The following AGMO variants were observed in gnomAD, a reference collection of about 807,000 sequenced individuals.
AGMO encodes the protein glyceryl-ether monooxygenase.
In AGMO, 75 loss-of-function variants were observed where a neutral mutation model predicts 60.2. The observed-to-expected ratio is 1.25, with a 90% CI of 1.03 to 1.51. The LOEUF (loss-of-function observed/expected upper bound fraction) is 1.51. Ranked by LOEUF, AGMO falls within the 40% of genes most tolerant of loss-of-function variation. The pLI is 0.00. For synonymous variants in AGMO, 261 were observed against 177.1 expected (o/e 1.47, Z -3.76); for missense variants, 763 against 525.5 (o/e 1.45, Z -4.42).
At chr7:15,523,149 T>A (rs1304988795) in intron 3 of AGMO, among the ~76,000 whole-genome samples, 1 of 152,172 alleles carries the variant, frequency 6.6e-6, no homozygotes, top group Non-Finnish European at 1.5e-5. Flanking sequence ...TGAGATACCA[T>A]CTCACACCAG....
chr7:15,229,689 T>C (rs1040037187), intron 12 of AGMO, among the ~76,000 whole-genome samples: 58 of 144,572 alleles, frequency 4.0e-4, no homozygotes, highest in Non-Finnish European at 6.9e-4. Context: ...TACACATATA[T>C]ATAACTAATT....
intron 12 of AGMO, among the ~76,000 whole-genome samples, chr7:15,259,899 CAAAAAAAA>C (rs71549927): frequency 2.1e-4 from 2 of 9,398 alleles, no homozygotes; most frequent in African/African-American, 5.0e-4. Flanking sequence ...ACAAGAACTG[CAAAAAAAA>C]AAAAAAAAAA....
At chr7:15,410,394 C>CA (rs1216757058) in intron 5 of AGMO, among the ~76,000 whole-genome samples, 5 of 151,522 alleles carry the variant, frequency 3.3e-5, no homozygotes, top group East Asian at 3.9e-4. Flanking sequence ...AAATAAATAA[C>CA]AAAAAAACCC....
rs140746744 is a variant in AGMO at position 15,506,445 on chromosome 7, C to T, written c.409+38327G>A. On this transcript the variant is annotated intron_variant, in intron 3 of 12. Transcript: ENST00000342526. Reference sequence around the variant, plus strand: ...GCCCTCTATGTGTTTATGATACTAACATTCGTTTGTCTTTATTCCATACAT... The same window carrying T: ...GCCCTCTATGTGTTTATGATACTAATATTCGTTTGTCTTTATTCCATACAT... Among the ~76,000 whole-genome samples, 71 of 152,072 alleles carry T rather than the reference C, an allele frequency of 4.7e-4. No individual in the cohort carries two copies. In the East Asian group the frequency reaches 0.013, roughly 28 times the overall value.
chr7:15,148,957 C>T, the AGMO span, among the ~76,000 whole-genome samples: 3 of 152,094 alleles, frequency 2.0e-5, no homozygotes, highest in African/African-American at 7.2e-5. Context: ...TCCCTTTTCT[C>T]CACAATCTCA....
At chr7:15,135,294 C>A in the AGMO span, among the ~76,000 whole-genome samples, 1 of 151,866 alleles carries the variant, frequency 6.6e-6, no homozygotes, top group Non-Finnish European at 1.5e-5. Context: ...GAAAATGGAA[C>A]CCGGGAAGCT....
At chr7:15,381,623 C>G (rs1250639641) in intron 10 of AGMO, among the ~76,000 whole-genome samples, 5 of 151,990 alleles carry the variant, frequency 3.3e-5, no homozygotes. Context: ...TGGAATTCCT[C>G]AAAGACAAAG....
At chr7:15,368,276 A>C (rs1184064613) in intron 10 of AGMO, among the ~76,000 whole-genome samples, 1 of 130,076 alleles carries the variant, frequency 7.7e-6, no homozygotes, top group Non-Finnish European at 1.6e-5. Flanking sequence ...AGGAAGAATG[A>C]GACCAAAAAA....
intron 12 of AGMO, among the ~76,000 whole-genome samples, chr7:15,285,808 C>A (rs1273785721): frequency 3.9e-5 from 6 of 151,908 alleles, no homozygotes; most frequent in African/African-American, 1.4e-4. Context: ...TCACATTACC[C>A]GACTTCAAAT....
At chr7:15,324,882 CCTG>C (rs1415179185) in intron 12 of AGMO, among the ~76,000 whole-genome samples, 1 of 152,074 alleles carries the variant, frequency 6.6e-6, no homozygotes, top group African/African-American at 2.4e-5. Flanking sequence ...CTGCTCACCT[CCTG>C]CTGTGTGGTC....
intron 10 of AGMO, among the ~76,000 whole-genome samples, chr7:15,370,071 T>G (rs545799281): frequency 2.0e-5 from 3 of 152,130 alleles, no homozygotes; most frequent in Non-Finnish European, 4.4e-5. Context: ...CCTTTATTCC[T>G]TAGTCCCCAG....
chr7:15,171,569 G>C, the AGMO span, among the ~76,000 whole-genome samples: 5 of 152,094 alleles, frequency 3.3e-5, no homozygotes, highest in East Asian at 9.6e-4. Context: ...TCTGCATGGG[G>C]GAATTTTCTA....
the AGMO span, among the ~76,000 whole-genome samples, chr7:15,123,892 C>T: frequency 1.1e-4 from 16 of 152,166 alleles, no homozygotes; most frequent in African/African-American, 3.6e-4. Context: ...GTAAAGTGAG[C>T]GTACGCTTTG....
At chr7:15,464,222 G>A (rs918847140) in intron 3 of AGMO, among the ~76,000 whole-genome samples, 12 of 152,174 alleles carry the variant, frequency 7.9e-5, no homozygotes, top group African/African-American at 2.9e-4. Context: ...AGTGGGACCA[G>A]GAGGTTACCA....
chr7:15,492,755 G>C (rs1314834414), intron 3 of AGMO, among the ~76,000 whole-genome samples: 1 of 152,084 alleles, frequency 6.6e-6, no homozygotes, highest in Non-Finnish European at 1.5e-5. Flanking sequence ...GTTGATTAAA[G>C]GAAGGAAGGC....
At chr7:15,157,159 A>T in the AGMO span, among the ~76,000 whole-genome samples, 1 of 152,114 alleles carries the variant, frequency 6.6e-6, no homozygotes, top group African/African-American at 2.4e-5. Context: ...ACAGTCTGGC[A>T]AAAAAACACC....
intron 12 of AGMO, among the ~76,000 whole-genome samples, chr7:15,234,347 A>G (rs972551353): frequency 2.0e-5 from 3 of 152,070 alleles, no homozygotes; most frequent in Non-Finnish European, 2.9e-5. Context: ...ATTTTTCTCT[A>G]TATCTTCCTC....
chr7:15,145,524 G>C, the AGMO span, among the ~76,000 whole-genome samples: 5 of 151,912 alleles, frequency 3.3e-5, no homozygotes, highest in African/African-American at 1.2e-4. Flanking sequence ...AATATATCAA[G>C]ATATTAATGA....
At chr7:15,237,557 T>A (rs1236824016) in intron 12 of AGMO, among the ~76,000 whole-genome samples, 2 of 152,024 alleles carry the variant, frequency 1.3e-5, no homozygotes, top group African/African-American at 4.8e-5. Flanking sequence ...GAATTTAAAG[T>A]CTGTTTCAGA....
Sources: gnomAD v4.1 joint callset for allele counts (sites outside exome capture counted in the v4.1 genomes callset) on GRCh38, gnomAD v4.1.1 for gene constraint, MANE v1.5 for transcripts, NCBI Gene and HGNC (gene_info 2026-07-23, HGNC 2026-07-21) for gene names.